QPCT: variants seen among roughly 807,000 people sequenced by gnomAD.
QPCT encodes EC.
QPCT carries 44 observed loss-of-function variants against 43.4 expected under a neutral mutation model. The ratio of observed to expected loss-of-function variants is 1.01; its 90% confidence interval spans 0.80 to 1.30. The LOEUF (loss-of-function observed/expected upper bound fraction) is 1.30. Ranked by LOEUF, QPCT falls within the 50% of genes most tolerant of loss-of-function variation. QPCT has a pLI of 0.00. For missense variants in QPCT, 526 were observed against 436.5 expected (o/e 1.21, Z -1.83); for synonymous variants, 168 against 168.4 (o/e 1.00, Z 0.02).
chr2:37,369,687 T>C lies in QPCT; in HGVS notation c.726T>C (p.Asp242=). Residue 242 remains aspartate (D), a splice_region_variant and synonymous_variant, in exon 5 of 7, where the codon GAT becomes GAC. Transcript: ENST00000338415. ...AAACATTACTTTTTCTCCCTCAGGATTTATTGGTCTTATTGGATTTGATTG... is the reference window on the plus strand; with the variant it reads ...AAACATTACTTTTTCTCCCTCAGGACTTATTGGTCTTATTGGATTTGATTG... ...ARGTSQLHGM[D]LLVLLDLIGA... The C allele has an allele frequency of 1.3e-6, 2 of 1,585,524 alleles. No homozygotes were observed. Among genetic ancestry groups the C allele is most frequent in the Non-Finnish European group, 1.7e-6 (2 of 1,153,858 alleles).
intron 1 of QPCT, among the ~76,000 whole-genome samples, chr2:37,347,143 T>TTTTTATATATATA (rs1558599200): frequency 1.5e-3 from 8 of 5,350 alleles, no homozygotes; most frequent in African/African-American, 2.2e-3. Context: ...TATGGGGTGT[T>TTTTTATATATATA]TTATATATAT....
At chr2:37,359,439 T>G in intron 2 of QPCT, 141 bp from the exon 3 acceptor site, 1 of 754,648 alleles carries the variant, frequency 1.3e-6, no homozygotes, top group Non-Finnish European at 2.1e-6. Context: ...CAATTATTAA[T>G]TGCAATAATA....
At chr2:37,356,808 C>T (rs1672759017) in intron 2 of QPCT, among the ~76,000 whole-genome samples, 1 of 152,024 alleles carries the variant, frequency 6.6e-6, no homozygotes, top group Admixed American at 6.5e-5. Flanking sequence ...GAGATCGAGA[C>T]CATCCCGGCC....
rs1355005887 is a variant in QPCT at position 37,369,670 on chromosome 2, CT to C, written c.724-10del. 3 of 1,545,932 alleles carry C rather than the reference CT, an allele frequency of 1.9e-6. No individual in the cohort carries two copies. The African/African-American group carries it at 4.1e-5, about 21-fold the overall frequency. On this transcript the variant is annotated splice_polypyrimidine_tract_variant and intron_variant, in intron 4 of 6. Transcript: ENST00000338415. ...TTTTGGTGATGGTGATTAAACATTA[CT>C]TTTTCTCCCTCAGGATTTATTGGTC... is the stretch of plus-strand genomic sequence containing the variant.
chr2:37,366,046 G>A (rs1014913930), intron 3 of QPCT, among the ~76,000 whole-genome samples: 2 of 152,210 alleles, frequency 1.3e-5, no homozygotes, highest in African/African-American at 2.4e-5. Context: ...CAAGGGAGTT[G>A]AGGGTGTATG....
chr2:37,360,259 T>C (rs1442947135), intron 3 of QPCT, among the ~76,000 whole-genome samples: 1 of 152,122 alleles, frequency 6.6e-6, no homozygotes, highest in African/African-American at 2.4e-5. Flanking sequence ...GGCTCTTGGG[T>C]TGGAGGAGGG....
chr2:37,346,126 C>T (rs926727848), intron 1 of QPCT, among the ~76,000 whole-genome samples: 1 of 151,850 alleles, frequency 6.6e-6, no homozygotes, highest in African/African-American at 2.4e-5. Context: ...CACTCCCACC[C>T]AGCTACATGC....
chr2:37,371,966 C>G (rs1291188389), intron 5 of QPCT, among the ~76,000 whole-genome samples: 2 of 152,070 alleles, frequency 1.3e-5, no homozygotes, highest in Non-Finnish European at 2.9e-5. Context: ...CCTTTTAAGC[C>G]CCATATCTCA....
chr2:37,350,407 G>T (rs980139507), intron 1 of QPCT, among the ~76,000 whole-genome samples: 2 of 152,154 alleles, frequency 1.3e-5, no homozygotes, highest in Non-Finnish European at 2.9e-5. Flanking sequence ...ACTGTTGTTT[G>T]GGAGCTGGCA....
intron 2 of QPCT, chr2:37,358,738 G>T (rs1221255000): frequency 6.6e-6 from 1 of 152,244 alleles, no homozygotes; most frequent in Non-Finnish European, 1.5e-5. Flanking sequence ...AGCATTTGCA[G>T]TGCGTCTCAA....
At position 37,351,489 on chromosome 2, in the gene QPCT, T is replaced by C. The variant is rs527827750; in HGVS notation, c.121-1300T>C. Among the ~76,000 whole-genome samples, 6 of 152,372 alleles carry C rather than the reference T, an allele frequency of 3.9e-5. No homozygotes were observed. The South Asian group carries it at 1.2e-3, about 32-fold the overall frequency. On this transcript the variant is annotated intron_variant, in intron 1 of 6. Transcript: ENST00000338415. ...TAATGCAATTTAAAAATAATTTTAA[T>C]TGAAGTTAAAAAGTCTACTATTTAG...
Position 37,359,671 on chromosome 2 carries a change from T to C in QPCT, c.359T>C (p.Phe120Ser). Residue 120 changes from phenylalanine (F) to serine (S), a missense_variant, in exon 3 of 7, where the codon TTC becomes TCC. Phe to Ser is a radical substitution (Grantham distance 155). Transcript: ENST00000338415. ...CAGACACCCTATGGGTACCGGTCTT[T>C]CTCAAATATCATCAGCACCCTCAAT... The part of the protein sequence containing the change: ...LSQTPYGYRS[F>S]SNIISTLNPT... 6.2e-7 allele frequency: 1 copy of C among 1,614,162 alleles called. No homozygotes were observed. Among genetic ancestry groups the C allele is most frequent in the Non-Finnish European group, 8.5e-7 (1 of 1,179,998 alleles).
At chr2:37,370,580 T>C (rs1230742398) in intron 5 of QPCT, among the ~76,000 whole-genome samples, 3 of 152,204 alleles carry the variant, frequency 2.0e-5, no homozygotes, top group Non-Finnish European at 2.9e-5. Context: ...CTTATCCAGA[T>C]ATTATTTTCC....
chr2:37,352,709 A>G, intron 1 of QPCT, 80 bp from the exon 2 acceptor site: 1 of 1,503,886 alleles, frequency 6.6e-7, no homozygotes, highest in Non-Finnish European at 9.1e-7. Flanking sequence ...TGAAGTTTTA[A>G]GCAATTAATT....
chr2:37,346,679 T>C (rs546515451), intron 1 of QPCT, among the ~76,000 whole-genome samples: 1 of 152,322 alleles, frequency 6.6e-6, no homozygotes, highest in African/African-American at 2.4e-5. Context: ...AGAAACTGAA[T>C]GTTTTCAAAT....
rs1672449390 is a variant in QPCT at position 37,344,958 on chromosome 2, A to T, written c.120+107A>T. ...GCAGAGCGGGAGGCGGGGCAGGGCC[A>T]CGGTCCCCAGCCCAGGCACCGGCGC... is the stretch of plus-strand genomic sequence containing the variant. On this transcript the variant is annotated intron_variant, in intron 1 of 6. Transcript: ENST00000338415. 2.1e-6 allele frequency: 3 copies of T among 1,424,496 alleles called. No individual in the cohort carries two copies. The South Asian group carries it at 4.3e-5, about 21-fold the overall frequency. 88.2% of individuals were successfully genotyped at this position (1,424,496 alleles called of 1,614,324 possible). A position where few individuals can be genotyped will look rare whatever the true frequency, so the allele number is the denominator to read the frequency against.
intron 4 of QPCT, 38 bp from the exon 5 acceptor site, chr2:37,369,647 T>C (rs1383895597): frequency 7.0e-7 from 1 of 1,438,654 alleles, no homozygotes; most frequent in Non-Finnish European, 9.8e-7. Context: ...AAAACACGTT[T>C]TGGTGATGGT....
chr2:37,359,464 TTA>T, intron 2 of QPCT, 114 bp from the exon 3 acceptor site: 1 of 894,722 alleles, frequency 1.1e-6, no homozygotes, highest in Non-Finnish European at 1.7e-6. Flanking sequence ...TATGAATTCA[TTA>T]AGTGTGTATT....
At chr2:37,372,578 G>C in intron 6 of QPCT, 104 bp from the exon 7 acceptor site, 2 of 1,462,104 alleles carry the variant, frequency 1.4e-6, no homozygotes, top group East Asian at 4.5e-5. Context: ...TGAATTATCA[G>C]CTGTCTTTAT....
Sources: allele counts gnomAD v4.1 joint callset (sites outside exome capture counted in the v4.1 genomes callset), GRCh38; gene constraint gnomAD v4.1.1; transcripts MANE v1.5; gene names NCBI Gene and HGNC (gene_info 2026-07-23, HGNC 2026-07-21).